ABRA: variants seen among roughly 807,000 people sequenced by gnomAD.
ABRA encodes actin-binding Rho-activating protein.
In ABRA, 25 loss-of-function variants were observed where a neutral mutation model predicts 33.4. The ratio of observed to expected loss-of-function variants is 0.75; its 90% confidence interval spans 0.55 to 1.04. The LOEUF is 1.04. Ranked by LOEUF, ABRA falls within the 50% of genes least tolerant of loss-of-function variation. The pLI is 0.00. For synonymous variants in ABRA, 193 were observed against 176.8 expected, an observed-to-expected ratio of 1.09 and a Z score of -0.73; for missense variants, 501 against 491.7, an observed-to-expected ratio of 1.02 and a Z score of -0.18.
At chr8:106,768,838 T>C (rs1323660663) in intron 1 of ABRA, among the ~76,000 whole-genome samples, 5 of 152,262 alleles carry the variant, frequency 3.3e-5, no homozygotes, top group African/African-American at 9.6e-5. Flanking sequence ...GTTTCACCAA[T>C]GTTGGTCAGG....
chr8:106,763,325 T>A (rs1335204117), intron 1 of ABRA, among the ~76,000 whole-genome samples: 2 of 152,216 alleles, frequency 1.3e-5, no homozygotes, highest in African/African-American at 4.8e-5. Context: ...AGAATTGGAA[T>A]TGGAAATACT....
rs778019842 is a variant in ABRA at position 106,761,125 on chromosome 8, C to T, written c.1058G>A (p.Arg353His). 26 of 1,614,060 alleles carry T rather than the reference C, an allele frequency of 1.6e-5. No homozygotes were observed. In the South Asian group the frequency reaches 1.8e-4, roughly 11 times the overall value. Residue 353 changes from arginine (R) to histidine (H), a missense_variant, in exon 2 of 2, where the codon CGT becomes CAT. Arg to His is a conservative substitution (Grantham distance 29, BLOSUM62 0). Coordinates refer to ENST00000311955, the MANE Select transcript of ABRA (RefSeq NM_139166.5). ...GTCTACCAGTCCATGTTTCCTGGCA[C>T]GCATGAGAATGCCCACTACTTTATC... ...ISDKVVGILM[R>H]ARKHGLVDFE...
Position 106,769,540 on chromosome 8 carries a change from C to T in ABRA, c.651G>A (p.Lys217=). Residue 217 remains lysine (K), a synonymous_variant, in exon 1 of 2, where the codon AAG becomes AAA. Coordinates refer to ENST00000311955, the MANE Select transcript of ABRA (RefSeq NM_139166.5). ...DGVQVAVVRI[K]RPLPSQVNRF... The stretch of plus-strand genomic sequence containing the variant: ...TCACTTACTGGGAGGGCAAGGGGCG[C>T]TTGATCCTGACCACAGCCACCTGCA... The T allele has an allele frequency of 6.2e-7, 1 of 1,613,622 alleles. No homozygotes were observed.
intron 1 of ABRA, among the ~76,000 whole-genome samples, chr8:106,768,264 C>A (rs1282374258): frequency 1.3e-5 from 2 of 151,926 alleles, no homozygotes; most frequent in Non-Finnish European, 2.9e-5. Context: ...ATTTTGATAC[C>A]CTGGCATTGT....
At chr8:106,768,094 CA>C (rs397957500) in intron 1 of ABRA, among the ~76,000 whole-genome samples, 4,775 of 106,512 alleles carry the variant, frequency 0.045, 153 homozygotes, top group African/African-American at 0.11. Flanking sequence ...GACTTCATCT[CA>C]AAAAAAAAAA....
chr8:106,760,316 AAG>A lies in ABRA; in HGVS notation c.*719_*720del. The A allele has an allele frequency of 6.6e-6, 1 of 152,204 alleles. No homozygotes were observed. Among genetic ancestry groups the A allele is most frequent in the East Asian group, 1.9e-4 (1 of 5,198 alleles). 9.4% of individuals were successfully genotyped at this position (152,204 alleles called of 1,614,324 possible). On this transcript the variant is annotated 3_prime_UTR_variant, in exon 2 of 2. Transcript: ENST00000311955. ...TGATTTGCTGAAATCAAACAAGAGGAAGGTGAACTCTTACTGGAAACCTGTTA... is the reference window on the plus strand; with the variant it reads ...TGATTTGCTGAAATCAAACAAGAGGAGTGAACTCTTACTGGAAACCTGTTA...
Position 106,761,088 on chromosome 8 carries a change from C to T in ABRA, c.1095G>A (p.Glu365=), listed in dbSNP as rs753770885. The T allele has an allele frequency of 6.2e-7, 1 of 1,614,238 alleles. No individual in the cohort carries two copies. The part of the protein sequence containing the change: ...RKHGLVDFEG[E]MLWQGRDDHV... ...GGTCATCTCGGCCTTGCCATAGCAT[C>T]TCTCCTTCAAAGTCTACCAGTCCAT... Residue 365 remains glutamate (E), a synonymous_variant, in exon 2 of 2, where the codon GAG becomes GAA. Transcript: ENST00000311955.
In ABRA at chr8:106,761,486, A is replaced by T; in HGVS notation, c.697T>A (p.Cys233Ser). The part of the protein sequence containing the change: ...QVNRFTEKLN[C>S]KAQQKYSPVG... ...GGGCTATATTTCTGTTGGGCTTTGC[A>T]GTTGAGTTTCTCTGTAAATCTGTTT... The change falls in exon 2 of 2, where the codon TGC becomes AGC. Residue 233 changes from cysteine to serine, a missense_variant. Physicochemically the swap from Cys to Ser is moderately radical, Grantham distance 112 (BLOSUM62 -1). Transcript: ENST00000311955. The T allele has an allele frequency of 2.5e-6, 4 of 1,613,946 alleles. No individual in the cohort carries two copies. The highest frequency in any genetic ancestry group is 8.5e-7 in the Non-Finnish European group (1 of 1,179,924).
chr8:106,761,610 T>G lies in ABRA; in HGVS notation c.669-96A>C, dbSNP rs1836142323. ...TTCCCACACATATGCATCTTTAATG[T>G]AAGTATAATTTTTTCACTACAAAAA... On this transcript the variant is annotated intron_variant, in intron 1 of 1. Transcript: ENST00000311955. 13 of 1,000,246 alleles carry G rather than the reference T, an allele frequency of 1.3e-5. No individual in the cohort carries two copies. The East Asian group carries it at 3.2e-4, about 25-fold the overall frequency. The allele number at this position is 1,000,246 out of a possible 1,614,324, so 62.0% of individuals were successfully genotyped here. A position where few individuals can be genotyped will look rare whatever the true frequency, so the allele number is the denominator to read the frequency against.
At chr8:106,765,191 T>TA (rs1294684603) in intron 1 of ABRA, among the ~76,000 whole-genome samples, 75 of 152,284 alleles carry the variant, frequency 4.9e-4, no homozygotes, top group Non-Finnish European at 1.2e-4. Context: ...TCATTATTAG[T>TA]AAAAAAACTT....
At chr8:106,766,721 A>C (rs755250018) in intron 1 of ABRA, among the ~76,000 whole-genome samples, 9 of 152,198 alleles carry the variant, frequency 5.9e-5, no homozygotes, top group Non-Finnish European at 8.8e-5. Context: ...CCAAGCTCCT[A>C]GCATCTTGAA....
chr8:106,764,200 C>A (rs1244411083), intron 1 of ABRA, among the ~76,000 whole-genome samples: 2 of 152,160 alleles, frequency 1.3e-5, no homozygotes, highest in East Asian at 3.8e-4. Context: ...AATTTGCATC[C>A]AGAGGTAATT....
intron 1 of ABRA, among the ~76,000 whole-genome samples, chr8:106,766,775 C>A (rs978999062): frequency 6.6e-6 from 1 of 152,184 alleles, no homozygotes; most frequent in Non-Finnish European, 1.5e-5. Context: ...ATGATGAGTA[C>A]AATTTGCTAA....
intron 1 of ABRA, among the ~76,000 whole-genome samples, chr8:106,765,736 A>ACTG (rs1836210650): frequency 6.6e-6 from 1 of 152,120 alleles, no homozygotes; most frequent in Non-Finnish European, 1.5e-5. Flanking sequence ...CTGTCTTCAG[A>ACTG]GTCTATTGAA....
At chr8:106,761,638 A>C (rs1836142566) in intron 1 of ABRA, 124 bp from the exon 2 acceptor site, 3 of 776,652 alleles carry the variant, frequency 3.9e-6, no homozygotes, top group Non-Finnish European at 5.9e-6. Flanking sequence ...TACAAAAATA[A>C]ACACAATATA....
chr8:106,763,280 C>A (rs1161336666), intron 1 of ABRA, among the ~76,000 whole-genome samples: 1 of 152,168 alleles, frequency 6.6e-6, no homozygotes, highest in South Asian at 2.1e-4. Flanking sequence ...TGTTTCCCAA[C>A]GTCCTACGCT....
chr8:106,761,542 A>G, intron 1 of ABRA, 28 bp from the exon 2 acceptor site: 2 of 1,573,126 alleles, frequency 1.3e-6, no homozygotes, highest in Non-Finnish European at 1.7e-6. Context: ...TGAACAATCA[A>G]GATTCAGATA....
chr8:106,764,038 T>C lies in ABRA; in HGVS notation c.669-2524A>G, dbSNP rs994944466. Among the ~76,000 whole-genome samples the C allele has an allele frequency of 1.1e-4, 17 of 152,214 alleles. 1 individual carries two copies. Among genetic ancestry groups the C allele is most frequent in the Admixed American group, 7.2e-4 (11 of 15,286 alleles). ...ACAACTCTGTAAAATGTATAAGCAC[T>C]AGGCTGAAGAATTTAATAACATTTG... is the stretch of plus-strand genomic sequence containing the variant. On this transcript the variant is annotated intron_variant, in intron 1 of 1. Coordinates refer to ENST00000311955, the MANE Select transcript of ABRA (RefSeq NM_139166.5).
At chr8:106,768,827 G>C (rs1359975647) in intron 1 of ABRA, among the ~76,000 whole-genome samples, 1 of 152,038 alleles carries the variant, frequency 6.6e-6, no homozygotes, top group Non-Finnish European at 1.5e-5. Context: ...GTAGATATGG[G>C]GTTTCACCAA....
Sources: gnomAD v4.1 joint callset for allele counts (sites outside exome capture counted in the v4.1 genomes callset) on GRCh38, gnomAD v4.1.1 for gene constraint, MANE v1.5 for transcripts, NCBI Gene and HGNC (gene_info 2026-07-23, HGNC 2026-07-21) for gene names.